Variants in ZNF654 observed in about 807,000 individuals in gnomAD.
ZNF654 encodes the protein melanoma-associated antigen.
ZNF654 carries 19 observed loss-of-function variants against 95.3 expected under a neutral mutation model. The ratio of observed to expected loss-of-function variants is 0.20; its 90% CI spans 0.14 to 0.29. The LOEUF is 0.29. Ranked by LOEUF, ZNF654 falls within the 10% of genes least tolerant of loss-of-function variation. The pLI, the probability that ZNF654 is intolerant of heterozygous loss-of-function variation, is 1.00. For synonymous variants in ZNF654, 413 were observed against 457.9 expected (o/e 0.90, Z 1.25); for missense variants, 1,046 against 1,341.0 (o/e 0.78, Z 3.44).
At chr3:88,114,354 G>C (rs1393369526) in intron 3 of ZNF654, among the ~76,000 whole-genome samples, 2 of 152,152 alleles carry the variant, frequency 1.3e-5, no homozygotes, top group Admixed American at 1.3e-4. Context: ...GTTTGGAGTA[G>C]ATGAGGGACA....
chr3:88,129,350 A>G (rs1360260251), intron 5 of ZNF654, among the ~76,000 whole-genome samples: 2 of 150,578 alleles, frequency 1.3e-5, no homozygotes, highest in African/African-American at 2.4e-5. Context: ...AAAAAACCCA[A>G]GAAGCATTAT....
rs145193990 is a variant in ZNF654 at position 88,137,349 on chromosome 3, T to A, written c.1036-1356T>A. Among the ~76,000 whole-genome samples the A allele has an allele frequency of 1.1e-3, 171 of 152,254 alleles. 1 individual carries two copies. The highest frequency in any genetic ancestry group is 7.5e-3 in the South Asian group (36 of 4,830). ...GACATTTAGAAATCAGTAGTTGGAA[T>A]TCAGAAAGGATTCCAAGTTGTAAAT... On this transcript the variant is annotated intron_variant, in intron 7 of 8. Transcript: ENST00000636215.
chr3:88,119,069 TAA>T (rs1292441828), intron 3 of ZNF654, among the ~76,000 whole-genome samples: 1 of 149,562 alleles, frequency 6.7e-6, no homozygotes, highest in East Asian at 2.0e-4. Flanking sequence ...CATGCTGCTA[TAA>T]AGACACATGC....
chr3:88,141,585 CT>C (rs2107903048), intron 8 of ZNF654, 59 bp from the exon 9 acceptor site: 1 of 1,315,860 alleles, frequency 7.6e-7, no homozygotes, highest in East Asian at 2.6e-5. Flanking sequence ...AGGAATCTGA[CT>C]TGGAATTCCG....
intron 2 of ZNF654, among the ~76,000 whole-genome samples, chr3:88,103,457 A>G (rs1171377626): frequency 1.3e-5 from 2 of 152,226 alleles, no homozygotes; most frequent in African/African-American, 4.8e-5. Flanking sequence ...GCAAGGAGAA[A>G]CAGAACAGAG....
rs1706275449 is a variant in ZNF654, at chr3:88,128,946, T to C, written c.688T>C (p.Tyr230His). 6.5e-7 allele frequency: 1 copy of C among 1,535,542 alleles called. No homozygotes were observed. Among genetic ancestry groups the C allele is most frequent in the Non-Finnish European group, 8.7e-7 (1 of 1,146,546 alleles). Residue 230 changes from tyrosine to histidine, a missense_variant, in exon 5 of 9, where the codon TAC becomes CAC. Tyr to His is a moderately conservative substitution (Grantham distance 83, BLOSUM62 2). This residue lies in a region of ZNF654 where 121 missense variants were observed against 141.7 expected (regional missense o/e 0.85). Transcript: ENST00000636215. Reference protein sequence around the residue: ...INHPEISKDLYFHQALFTCLF... With the variant: ...INHPEISKDLHFHQALFTCLF... ...TCACCCAGAAATCAGTAAAGACTTA[T>C]ACTTCCATCAAGCACTCTTCACATG... is the stretch of plus-strand genomic sequence containing the variant.
At chr3:88,137,256 T>G (rs1320559454) in intron 7 of ZNF654, among the ~76,000 whole-genome samples, 1 of 151,428 alleles carries the variant, frequency 6.6e-6, no homozygotes, top group Non-Finnish European at 1.5e-5. Flanking sequence ...AAACGAATTC[T>G]GTTTTGAATG....
At chr3:88,075,046 T>C (rs1707724453) in intron 1 of ZNF654, among the ~76,000 whole-genome samples, 1 of 152,230 alleles carries the variant, frequency 6.6e-6, no homozygotes, top group African/African-American at 2.4e-5. Context: ...TTCTGTCTTT[T>C]TGCAAAGTTT....
intron 3 of ZNF654, among the ~76,000 whole-genome samples, chr3:88,123,747 C>T (rs575868773): frequency 6.6e-6 from 1 of 152,220 alleles, no homozygotes; most frequent in African/African-American, 2.4e-5. Context: ...ATGGATTGTC[C>T]CAGGACTGAG....
chr3:88,074,280 G>C (rs1331450373), intron 1 of ZNF654, among the ~76,000 whole-genome samples: 1 of 151,936 alleles, frequency 6.6e-6, no homozygotes, highest in Non-Finnish European at 1.5e-5. Context: ...CCTCTGATTG[G>C]GAGTGGCTTC....
chr3:88,078,002 ATGT>A (rs1707903410), intron 1 of ZNF654, among the ~76,000 whole-genome samples: 1 of 152,192 alleles, frequency 6.6e-6, no homozygotes, highest in Non-Finnish European at 1.5e-5. Context: ...CCTTTGTGAA[ATGT>A]TGTGAAATTT....
chr3:88,061,308 C>T (rs1706868887), intron 1 of ZNF654, among the ~76,000 whole-genome samples: 1 of 152,172 alleles, frequency 6.6e-6, no homozygotes, highest in Admixed American at 6.5e-5. Context: ...CTGCAAAACA[C>T]AGTGTCTTAA....
intron 1 of ZNF654, among the ~76,000 whole-genome samples, chr3:88,071,815 T>A (rs1167096725): frequency 6.6e-6 from 1 of 151,956 alleles, no homozygotes; most frequent in Non-Finnish European, 1.5e-5. Context: ...AAAAAAAAAA[T>A]CAAAAACACT....
chr3:88,140,200 C>T lies in ZNF654; in HGVS notation c.2531C>T (p.Ala844Val). 6.2e-7 allele frequency: 1 copy of T among 1,613,834 alleles called. No homozygotes were observed. Among genetic ancestry groups the T allele is most frequent in the Non-Finnish European group, 8.5e-7 (1 of 1,179,766 alleles). Residue 844 changes from alanine (A) to valine (V), a missense_variant, in exon 8 of 9, where the codon GCT (alanine) becomes GTT (valine). By Grantham distance (64) the Ala-to-Val change is moderately conservative (BLOSUM62 0). This residue lies in a region of ZNF654 where 495 missense variants were observed against 537.0 expected (regional missense o/e 0.92). Transcript: ENST00000636215. ...ACAAAAAGTCACAGGATATTTCAGG[C>T]TCAGTGTAGTTTTCCAGAATGCCAT... is the stretch of plus-strand genomic sequence containing the variant. ...QHTKSHRIFQ[A>V]QCSFPECHEL...
At chr3:88,092,105 A>T (rs1703777312) in intron 2 of ZNF654, among the ~76,000 whole-genome samples, 1 of 152,216 alleles carries the variant, frequency 6.6e-6, no homozygotes, top group Non-Finnish European at 1.5e-5. Context: ...ATTTGTATTT[A>T]CTTTACAGAG....
chr3:88,119,185 C>A (rs1350786616), intron 3 of ZNF654, among the ~76,000 whole-genome samples: 1 of 147,844 alleles, frequency 6.8e-6, no homozygotes, highest in East Asian at 2.0e-4. Flanking sequence ...CACATACACA[C>A]CATGGAATAC....
intron 2 of ZNF654, among the ~76,000 whole-genome samples, chr3:88,088,211 G>A (rs1708436395): frequency 6.6e-6 from 1 of 152,120 alleles, no homozygotes; most frequent in South Asian, 2.1e-4. Flanking sequence ...AAATTCATCA[G>A]TCAAGAAACT....
intron 1 of ZNF654, among the ~76,000 whole-genome samples, chr3:88,060,481 GA>G (rs1384867305): frequency 6.6e-6 from 1 of 152,004 alleles, no homozygotes; most frequent in South Asian, 2.1e-4. Flanking sequence ...CTATTTTGGG[GA>G]AAAAAATTAA....
At chr3:88,065,565 C>G (rs1412112282) in intron 1 of ZNF654, among the ~76,000 whole-genome samples, 1 of 151,806 alleles carries the variant, frequency 6.6e-6, no homozygotes, top group Non-Finnish European at 1.5e-5. Flanking sequence ...TGAAATATAC[C>G]AAAGTGTTGT....
Sources: gnomAD v4.1 joint callset for allele counts (sites outside exome capture counted in the v4.1 genomes callset) on GRCh38, gnomAD v4.1.1 for gene constraint, gnomAD v4.1.1 regional missense constraint, MANE v1.5 for transcripts, NCBI Gene and HGNC (gene_info 2026-07-23, HGNC 2026-07-21) for gene names.